ARRB1: variants seen among roughly 807,000 people sequenced by gnomAD.
ARRB1 encodes beta-arrestin-1.
In ARRB1, 21 loss-of-function variants were observed where a neutral mutation model predicts 56.8. The ratio of observed to expected loss-of-function variants is 0.37; its 90% CI spans 0.26 to 0.53. The LOEUF (loss-of-function observed/expected upper bound fraction) is 0.53, where lower values mean the gene tolerates loss of function less well. Ranked by LOEUF, ARRB1 falls within the 20% of genes least tolerant of loss-of-function variation. The pLI is 0.88. For synonymous variants in ARRB1, 210 were observed against 218.6 expected (o/e 0.96, Z 0.35); for missense variants, 424 against 553.7 (o/e 0.77, Z 2.35).
At chr11:75,287,183 T>C in intron 3 of ARRB1, 132 bp downstream of exon 3, 1 of 892,666 alleles carries the variant, frequency 1.1e-6, no homozygotes, top group Non-Finnish European at 1.7e-6. Context: ...AGTAAATGCT[T>C]GCTGCCTGAA....
Position 75,267,348 on chromosome 11 carries a change from T to C in ARRB1, c.1145+304A>G, listed in dbSNP as rs559222684. Among the ~76,000 whole-genome samples, 52 of 152,226 alleles carry C rather than the reference T, an allele frequency of 3.4e-4. No individual in the cohort carries two copies. The East Asian group carries it at 8.5e-3, about 25-fold the overall frequency. On this transcript the variant is annotated intron_variant, in intron 15 of 15. Transcript: ENST00000420843. ...GACAGGAGAGCCGAGCCCAGGGCCATGGACCAGCCCTGTGTGAGCCGAGCA... is the reference window on the plus strand; with the variant it reads ...GACAGGAGAGCCGAGCCCAGGGCCACGGACCAGCCCTGTGTGAGCCGAGCA...
chr11:75,338,972 C>G (rs1947654996), intron 1 of ARRB1, among the ~76,000 whole-genome samples: 1 of 152,138 alleles, frequency 6.6e-6, no homozygotes, highest in Non-Finnish European at 1.5e-5. Context: ...TCTCCAGAGG[C>G]TGGAAAACTT....
intron 1 of ARRB1, among the ~76,000 whole-genome samples, chr11:75,302,823 C>A (rs905483041): frequency 6.6e-6 from 1 of 152,032 alleles, no homozygotes; most frequent in South Asian, 2.1e-4. Flanking sequence ...CCTGCCCCCA[C>A]CCCCTGCTCA....
intron 1 of ARRB1, among the ~76,000 whole-genome samples, chr11:75,320,240 G>A (rs1947325171): frequency 6.6e-6 from 1 of 152,216 alleles, no homozygotes; most frequent in African/African-American, 2.4e-5. Context: ...CCAGGCCGGA[G>A]AGGATGGCTG....
chr11:75,303,163 G>A (rs1464401851), intron 1 of ARRB1, among the ~76,000 whole-genome samples: 5 of 151,934 alleles, frequency 3.3e-5, no homozygotes, highest in South Asian at 2.1e-4. Context: ...CACCACACCC[G>A]GCTAATTATT....
chr11:75,277,560 G>A, intron 8 of ARRB1, 112 bp from the exon 9 acceptor site: 1 of 950,396 alleles, frequency 1.1e-6, no homozygotes, highest in Non-Finnish European at 1.7e-6. Context: ...ACCTTGCGCA[G>A]ACCTTCAGAA....
intron 1 of ARRB1, among the ~76,000 whole-genome samples, chr11:75,303,088 G>A (rs1457018556): frequency 6.6e-6 from 1 of 151,864 alleles, no homozygotes; most frequent in South Asian, 2.1e-4. Context: ...TGCAACCTCC[G>A]CCTCCTGGGC....
intron 1 of ARRB1, among the ~76,000 whole-genome samples, chr11:75,291,314 A>G (rs1265370174): frequency 7.9e-5 from 12 of 152,214 alleles, no homozygotes; most frequent in Admixed American, 7.9e-4. Flanking sequence ...AGCCTGGGCG[A>G]CAGAGCAAGA....
intron 1 of ARRB1, among the ~76,000 whole-genome samples, chr11:75,335,421 C>A (rs1235250478): frequency 6.6e-6 from 1 of 152,042 alleles, no homozygotes; most frequent in Non-Finnish European, 1.5e-5. Flanking sequence ...CACATCTGTA[C>A]AAAAAATTTA....
intron 1 of ARRB1, among the ~76,000 whole-genome samples, chr11:75,339,003 T>C (rs1358798102): frequency 6.6e-6 from 1 of 152,120 alleles, no homozygotes; most frequent in East Asian, 1.9e-4. Context: ...ATGCAATTAC[T>C]GGTAAAGGGG....
intron 1 of ARRB1, among the ~76,000 whole-genome samples, chr11:75,309,530 A>G (rs1236160850): frequency 6.6e-6 from 1 of 152,182 alleles, no homozygotes; most frequent in Non-Finnish European, 1.5e-5. Context: ...TGGTGAGAAT[A>G]CTAACCCCTA....
At chr11:75,306,758 GA>G (rs1332673331) in intron 1 of ARRB1, 1 of 1,016,944 alleles carries the variant, frequency 9.8e-7, no homozygotes, top group Non-Finnish European at 1.3e-6. Flanking sequence ...AGGCGTTCCT[GA>G]TACGCGTCCT....
chr11:75,324,381 C>A (rs770032782), intron 1 of ARRB1, among the ~76,000 whole-genome samples: 2 of 152,182 alleles, frequency 1.3e-5, no homozygotes, highest in East Asian at 3.9e-4. Context: ...TGGTCTTTAT[C>A]TGCCCGTGCG....
chr11:75,297,135 A>G (rs1946768820), intron 1 of ARRB1, among the ~76,000 whole-genome samples: 1 of 152,206 alleles, frequency 6.6e-6, no homozygotes, highest in South Asian at 2.1e-4. Context: ...ACTTGATGTT[A>G]AGATGCCTAC....
At chr11:75,312,292 C>T (rs1244836499) in intron 1 of ARRB1, 1 of 533,150 alleles carries the variant, frequency 1.9e-6, no homozygotes, top group African/African-American at 2.0e-5. Flanking sequence ...AGGGACAGGG[C>T]TCAAGTCTGC....
intron 1 of ARRB1, among the ~76,000 whole-genome samples, chr11:75,304,546 G>A (rs2140469263): frequency 6.6e-6 from 1 of 151,790 alleles, no homozygotes; most frequent in East Asian, 1.9e-4. Flanking sequence ...TTGTGAGGTA[G>A]TTGTTAAACA....
intron 1 of ARRB1, among the ~76,000 whole-genome samples, chr11:75,322,037 A>G (rs1947355620): frequency 6.6e-6 from 1 of 152,252 alleles, no homozygotes; most frequent in Non-Finnish European, 1.5e-5. Context: ...ACAAACAAGT[A>G]TATGGTGACT....
chr11:75,306,629 T>G, intron 1 of ARRB1: 1 of 1,289,000 alleles, frequency 7.8e-7, no homozygotes, highest in Non-Finnish European at 1.0e-6. Flanking sequence ...AGCAGTGGAC[T>G]GTGAGGTGGA....
chr11:75,294,292 G>A (rs1313959880), intron 1 of ARRB1, among the ~76,000 whole-genome samples: 1 of 152,128 alleles, frequency 6.6e-6, no homozygotes, highest in Non-Finnish European at 1.5e-5. Flanking sequence ...TGTAATCCCA[G>A]CACTTTGGGA....
Sources: allele counts gnomAD v4.1 joint callset (sites outside exome capture counted in the v4.1 genomes callset), GRCh38; gene constraint gnomAD v4.1.1; transcripts MANE v1.5; gene names NCBI Gene and HGNC (gene_info 2026-07-23, HGNC 2026-07-21).